The following SH2D1A variants were observed in gnomAD, a reference collection of about 807,000 sequenced individuals.
SH2D1A encodes the protein SH2 domain-containing protein 1A.
Under a neutral mutation model 10.1 loss-of-function variants are expected in SH2D1A, and 6 were observed. That is an observed-to-expected ratio of 0.60 (90% CI 0.33 to 1.18). SH2D1A has a LOEUF of 1.18. Ranked by LOEUF, SH2D1A falls within the 50% of genes most tolerant of loss-of-function variation. The pLI is 0.04. For synonymous variants in SH2D1A, 42 were observed against 36.9 expected, an observed-to-expected ratio of 1.14 and a Z score of -0.51; for missense variants, 51 against 97.6, an observed-to-expected ratio of 0.52 and a Z score of 2.01.
chrX:124,362,688 G>A (rs5956647), intron 1 of SH2D1A, among the ~76,000 whole-genome samples: 1,645 of 111,491 alleles, frequency 0.015, 32 homozygotes, highest in African/African-American at 0.05. Flanking sequence ...TTTTGAGGCC[G>A]TTGGGATGGT....
intron 1 of SH2D1A, among the ~76,000 whole-genome samples, chrX:124,363,577 C>T (rs1429103914): frequency 2.7e-5 from 3 of 110,681 alleles, no homozygotes; most frequent in Non-Finnish European, 5.7e-5. Flanking sequence ...ATAAACAAAC[C>T]GACTGTGCTG....
chrX:124,352,927 T>A (rs1249273192), intron 1 of SH2D1A, among the ~76,000 whole-genome samples: 1 of 111,553 alleles, frequency 9.0e-6, no homozygotes, highest in East Asian at 2.8e-4. Context: ...TAGTGTTCAG[T>A]CGCACAGTAC....
chrX:124,369,939 A>C (rs1163957453), intron 2 of SH2D1A, among the ~76,000 whole-genome samples: 1 of 111,671 alleles, frequency 9.0e-6, no homozygotes, highest in Non-Finnish European at 1.9e-5. Context: ...GAGCTTGTAC[A>C]AACTAATACC....
chrX:124,368,411 G>T (rs2060061127), intron 2 of SH2D1A, among the ~76,000 whole-genome samples: 1 of 112,024 alleles, frequency 8.9e-6, no homozygotes, highest in African/African-American at 3.2e-5. Context: ...AAAATGCTGG[G>T]ATTACAGGTG....
chrX:124,355,819 A>G (rs1032370655), intron 1 of SH2D1A, among the ~76,000 whole-genome samples: 2 of 111,918 alleles, frequency 1.8e-5, no homozygotes, highest in African/African-American at 6.5e-5. Context: ...AGGGACAGAC[A>G]GTTTTGAATA....
intron 1 of SH2D1A, among the ~76,000 whole-genome samples, chrX:124,351,788 C>G (rs2060015719): frequency 9.0e-6 from 1 of 110,722 alleles, no homozygotes; most frequent in South Asian, 3.7e-4. Context: ...TTTAAACACA[C>G]TCTATGTGTA....
At chrX:124,346,895 C>T (rs2059994504) in intron 1 of SH2D1A, 116 bp downstream of exon 1, 3 of 864,347 alleles carry the variant, frequency 3.5e-6, no homozygotes, top group African/African-American at 3.9e-5. Context: ...AGCTCGCCGA[C>T]GCCTCCTCCG....
intron 1 of SH2D1A, among the ~76,000 whole-genome samples, chrX:124,355,327 C>G (rs1340247059): frequency 9.0e-6 from 1 of 111,256 alleles, no homozygotes; most frequent in Non-Finnish European, 1.9e-5. Context: ...AACCTGGACA[C>G]TTTTTTACAG....
chrX:124,360,063 G>T (rs2060036371), intron 1 of SH2D1A, among the ~76,000 whole-genome samples: 1 of 110,347 alleles, frequency 9.1e-6, no homozygotes, highest in African/African-American at 3.3e-5. Context: ...CCACCACCAC[G>T]CTAGGCTAAT....
chrX:124,364,633 C>G (rs1466340504), intron 1 of SH2D1A, among the ~76,000 whole-genome samples: 1 of 110,853 alleles, frequency 9.0e-6, no homozygotes, highest in Non-Finnish European at 1.9e-5. Context: ...GTGCCTCAGC[C>G]TCCCAAGTAG....
intron 2 of SH2D1A, among the ~76,000 whole-genome samples, chrX:124,366,452 T>A (rs777082382): frequency 9.0e-6 from 1 of 111,102 alleles, no homozygotes; most frequent in African/African-American, 3.3e-5. Flanking sequence ...ATAACACACA[T>A]AAAGAAGCTG....
rs894763527 is a variant in SH2D1A at position 124,372,171 on chromosome X, C to T, written c.*780C>T. 2.4e-5 allele frequency: 4 copies of T among 163,525 alleles called. No homozygotes were observed. Among genetic ancestry groups the T allele is most frequent in the South Asian group, 3.3e-4 (1 of 3,021 alleles). 13.5% of individuals were successfully genotyped at this position (163,525 alleles called of 1,213,427 possible). On this transcript the variant is annotated 3_prime_UTR_variant, in exon 4 of 4. Coordinates refer to ENST00000371139, the MANE Select transcript of SH2D1A (RefSeq NM_002351.5). ...TGAAGGGAAATTTCAGCAGCTGCAG[C>T]TCATGAGTAACTGATTTGTAACAAG...
At chrX:124,356,018 A>G (rs774765308) in intron 1 of SH2D1A, among the ~76,000 whole-genome samples, 107 of 107,809 alleles carry the variant, frequency 9.9e-4, no homozygotes, top group African/African-American at 3.4e-3. Flanking sequence ...CCATTAACTC[A>G]TCATTTACAT....
intron 1 of SH2D1A, among the ~76,000 whole-genome samples, chrX:124,359,504 T>A (rs1288304974): frequency 9.0e-6 from 1 of 111,710 alleles, no homozygotes; most frequent in African/African-American, 3.3e-5. Flanking sequence ...ACTGCTTCCA[T>A]CTCCATTTTG....
chrX:124,356,605 AC>A (rs2060027151), intron 1 of SH2D1A, among the ~76,000 whole-genome samples: 1 of 110,965 alleles, frequency 9.0e-6, no homozygotes, highest in Non-Finnish European at 1.9e-5. Flanking sequence ...GTGCCACCAC[AC>A]CCAGCAGTTT....
At chrX:124,358,811 C>T (rs191946505) in intron 1 of SH2D1A, among the ~76,000 whole-genome samples, 49 of 111,335 alleles carry the variant, frequency 4.4e-4, no homozygotes, top group African/African-American at 1.4e-3. Flanking sequence ...ATCACCTGGG[C>T]ATCTTACTAA....
At chrX:124,360,600 T>TAA (rs57948305) in intron 1 of SH2D1A, among the ~76,000 whole-genome samples, 634 of 30,738 alleles carry the variant, frequency 0.021, 38 homozygotes, top group African/African-American at 0.026. Flanking sequence ...AAGACACCAT[T>TAA]AAAAAAAAAA....
At chrX:124,359,982 C>T (rs968559865) in intron 1 of SH2D1A, among the ~76,000 whole-genome samples, 20 of 110,467 alleles carry the variant, frequency 1.8e-4, no homozygotes, top group East Asian at 1.1e-3. Flanking sequence ...CTCAGCGCAC[C>T]GTAACCTCTA....
At position 124,372,382 on chromosome X, in the gene SH2D1A, C is replaced by A. The variant is rs2060071648; in HGVS notation, c.*991C>A. 1 of 171,385 alleles carries A rather than the reference C, an allele frequency of 5.8e-6. No individual in the cohort carries two copies. The highest frequency in any genetic ancestry group is 1.1e-5 in the Non-Finnish European group (1 of 89,753). The allele number at this position is 171,385 out of a possible 1,213,427, so 14.1% of individuals were successfully genotyped here. A position where few individuals can be genotyped will look rare whatever the true frequency, so the allele number is the denominator to read the frequency against. Reference sequence around the variant, plus strand: ...ACTTTGCTACAGGGCTCACAGAATTCATTCACTCAACAAACATAATAGGGC... The same window carrying A: ...ACTTTGCTACAGGGCTCACAGAATTAATTCACTCAACAAACATAATAGGGC... On this transcript the variant is annotated 3_prime_UTR_variant, in exon 4 of 4. Transcript: ENST00000371139.
Sources: gnomAD v4.1 joint callset for allele counts (sites outside exome capture counted in the v4.1 genomes callset) on GRCh38, gnomAD v4.1.1 for gene constraint, MANE v1.5 for transcripts, NCBI Gene and HGNC (gene_info 2026-07-23, HGNC 2026-07-21) for gene names.